Variants in CEP128 observed in about 807,000 individuals in gnomAD.
CEP128 encodes centrosomal protein 128kDa.
In CEP128, 132 loss-of-function variants were observed where a neutral mutation model predicts 156.7. The ratio of observed to expected loss-of-function variants is 0.84; its 90% confidence interval spans 0.73 to 0.97. CEP128 has a LOEUF of 0.97. CEP128 is among the 50% of genes least tolerant of loss of function. CEP128 has a pLI of 0.00. For missense variants in CEP128, 1,252 were observed against 1,281.9 expected (o/e 0.98, Z 0.36); for synonymous variants, 469 against 448.9 (o/e 1.04, Z -0.57).
chr14:80,818,636 G>A (rs1421828543), intron 13 of CEP128, among the ~76,000 whole-genome samples: 1 of 152,216 alleles, frequency 6.6e-6, no homozygotes, highest in Non-Finnish European at 1.5e-5. Context: ...GTAGTAAAAT[G>A]TATGAAATTT....
chr14:80,667,776 T>A (rs1217326395), intron 19 of CEP128, among the ~76,000 whole-genome samples: 1 of 145,032 alleles, frequency 6.9e-6, no homozygotes, highest in Non-Finnish European at 1.5e-5. Context: ...GAGAATGGCA[T>A]GAACCCGGGA....
At chr14:80,917,817 GT>G (rs1348285780) in intron 2 of CEP128, among the ~76,000 whole-genome samples, 1 of 152,166 alleles carries the variant, frequency 6.6e-6, no homozygotes, top group African/African-American at 2.4e-5. Context: ...AAGCAACTGT[GT>G]TTTTAAAATA....
At chr14:80,869,566 C>T (rs1887927872) in intron 8 of CEP128, among the ~76,000 whole-genome samples, 1 of 151,794 alleles carries the variant, frequency 6.6e-6, no homozygotes, top group Non-Finnish European at 1.5e-5. Context: ...TAAACTAAGC[C>T]ACTGTCAATA....
At chr14:80,634,583 GAA>G (rs1390310016) in intron 19 of CEP128, among the ~76,000 whole-genome samples, 1 of 152,114 alleles carries the variant, frequency 6.6e-6, no homozygotes, top group Non-Finnish European at 1.5e-5. Context: ...GTATAAATAA[GAA>G]AATGTAACTA....
chr14:80,580,491 G>T, intron 19 of CEP128, 68 bp from the exon 20 acceptor site: 2 of 890,682 alleles, frequency 2.2e-6, no homozygotes, highest in Non-Finnish European at 3.7e-6. Flanking sequence ...ATCATCAAAT[G>T]CAATTCAGCC....
intron 9 of CEP128, among the ~76,000 whole-genome samples, chr14:80,848,720 G>A (rs773815911): frequency 3.3e-5 from 5 of 151,210 alleles, no homozygotes; most frequent in Non-Finnish European, 5.9e-5. Context: ...TAGGGTGAGA[G>A]GAATTCAGAA....
chr14:80,813,490 A>G (rs377457960), intron 13 of CEP128, among the ~76,000 whole-genome samples: 25 of 151,636 alleles, frequency 1.6e-4, no homozygotes, highest in Middle Eastern at 3.4e-3. Flanking sequence ...TGTTGTGAAG[A>G]TTTTCTTTGT....
At chr14:80,497,869 G>A (rs8016077) in intron 24 of CEP128, among the ~76,000 whole-genome samples, 107,214 of 152,022 alleles carry the variant, frequency 0.71, 41,786 homozygotes, top group East Asian at 0.86. Context: ...CGGTGTGCAC[G>A]TGCACACGCA....
chr14:80,945,103 A>G (rs2139648641), upstream of CEP128, among the ~76,000 whole-genome samples: 1 of 152,174 alleles, frequency 6.6e-6, no homozygotes. Context: ...ATTTCCCACA[A>G]TTCTGAAGGC....
At chr14:80,729,506 A>T (rs1898183168) in intron 19 of CEP128, among the ~76,000 whole-genome samples, 1 of 152,114 alleles carries the variant, frequency 6.6e-6, no homozygotes. Flanking sequence ...CTTTTTTCAT[A>T]TAATTTCATA....
At chr14:80,841,953 A>C (rs1428642650) in intron 9 of CEP128, among the ~76,000 whole-genome samples, 2 of 152,002 alleles carry the variant, frequency 1.3e-5, no homozygotes, top group African/African-American at 2.4e-5. Flanking sequence ...GACCCTCAAA[A>C]AAATTAAATT....
intron 19 of CEP128, among the ~76,000 whole-genome samples, chr14:80,622,355 C>T (rs1342716238): frequency 6.6e-6 from 1 of 151,516 alleles, no homozygotes; most frequent in Non-Finnish European, 1.5e-5. Flanking sequence ...CATAAAAACC[C>T]TAGAAGAAAA....
chr14:80,676,212 CTTTATA>C (rs1211596549), intron 19 of CEP128, among the ~76,000 whole-genome samples: 1 of 152,016 alleles, frequency 6.6e-6, no homozygotes, highest in Admixed American at 6.5e-5. Context: ...CCTTTATTTA[CTTTATA>C]TTTAAAGTAT....
At chr14:80,757,051 A>T in intron 17 of CEP128, 100 bp from the exon 18 acceptor site, 1 of 751,168 alleles carries the variant, frequency 1.3e-6, no homozygotes, top group Admixed American at 3.1e-5. Flanking sequence ...TTAGTTCCCC[A>T]ATTTAAGGAT....
intron 17 of CEP128, among the ~76,000 whole-genome samples, chr14:80,759,155 G>A (rs368432764): frequency 7.2e-5 from 11 of 152,148 alleles, no homozygotes; most frequent in South Asian, 2.1e-4. Flanking sequence ...TGTAGTGTAC[G>A]TCTGTCCTTC....
At chr14:80,750,887 T>C (rs1032012559) in intron 18 of CEP128, among the ~76,000 whole-genome samples, 3 of 152,176 alleles carry the variant, frequency 2.0e-5, no homozygotes, top group African/African-American at 7.2e-5. Context: ...TATTTGGAGA[T>C]GGGGCCTTTA....
chr14:80,708,226 T>C (rs1481582666), intron 19 of CEP128, among the ~76,000 whole-genome samples: 1 of 152,190 alleles, frequency 6.6e-6, no homozygotes, highest in Admixed American at 6.5e-5. Context: ...TCTTTTGATA[T>C]ACATTCCTAA....
At chr14:80,838,114 CT>C in intron 11 of CEP128, 89 bp downstream of exon 11, 66 of 891,858 alleles carry the variant, frequency 7.4e-5, no homozygotes, top group South Asian at 1.5e-4. Flanking sequence ...AGACCTAGTT[CT>C]TTTTTTTCCT....
intron 19 of CEP128, among the ~76,000 whole-genome samples, chr14:80,661,151 A>C (rs1895384686): frequency 6.6e-6 from 1 of 152,200 alleles, no homozygotes; most frequent in South Asian, 2.1e-4. Context: ...GGATTAAGCA[A>C]TGGAACTAGT....
Sources: gnomAD v4.1 joint callset for allele counts (sites outside exome capture counted in the v4.1 genomes callset) on GRCh38, gnomAD v4.1.1 for gene constraint, MANE v1.5 for transcripts, NCBI Gene and HGNC (gene_info 2026-07-23, HGNC 2026-07-21) for gene names.